The following ERBB4 variants were observed in gnomAD, a reference collection of about 807,000 sequenced individuals.
ERBB4 encodes erb-b2 receptor tyrosine kinase 4, also known as receptor tyrosine-protein kinase erbB-4.
In ERBB4, 42 loss-of-function variants were observed where a neutral mutation model predicts 158.0. That is an observed-to-expected ratio of 0.27 (90% CI 0.21 to 0.34). The LOEUF (loss-of-function observed/expected upper bound fraction) is 0.34, where lower values mean the gene tolerates loss of function less well. Among genes scored for constraint, ERBB4 ranks in the 10% least tolerant of loss-of-function variants. ERBB4 has a pLI of 1.00. For missense variants in ERBB4, 1,333 were observed against 1,624.1 expected (o/e 0.82, Z 3.08); for synonymous variants, 583 against 558.7 (o/e 1.04, Z -0.61).
intron 2 of ERBB4, among the ~76,000 whole-genome samples, chr2:212,004,030 A>C (rs1189083398): frequency 6.6e-6 from 1 of 152,242 alleles, no homozygotes; most frequent in Non-Finnish European, 1.5e-5. Context: ...TATTACTAGT[A>C]GTATAACTAC....
chr2:211,605,774 T>C (rs2068959416), intron 19 of ERBB4, among the ~76,000 whole-genome samples: 1 of 152,106 alleles, frequency 6.6e-6, no homozygotes, highest in South Asian at 2.1e-4. Flanking sequence ...TAACACAGAA[T>C]AGATAACAAG....
intron 19 of ERBB4, among the ~76,000 whole-genome samples, chr2:211,606,069 T>G (rs565958632): frequency 2.9e-4 from 44 of 152,206 alleles, no homozygotes; most frequent in African/African-American, 9.4e-4. Context: ...TAAGTAAATT[T>G]TAGACACAGA....
At chr2:212,190,536 C>CAAA (rs11362884) in intron 1 of ERBB4, among the ~76,000 whole-genome samples, 1 of 129,118 alleles carries the variant, frequency 7.7e-6, no homozygotes, top group Admixed American at 7.8e-5. Context: ...GACTCCGTCT[C>CAAA]AAAAAAAAAA....
intron 1 of ERBB4, among the ~76,000 whole-genome samples, chr2:212,126,683 G>A (rs2079940877): frequency 6.6e-6 from 1 of 152,030 alleles, no homozygotes; most frequent in Non-Finnish European, 1.5e-5. Flanking sequence ...TTTAAGGCAA[G>A]ATACAAAGTG....
Position 211,375,802 on chromosome 2 carries a change from C to G in ERBB4, c.*7813G>C. 1.3e-5 allele frequency: 3 copies of G among 232,290 alleles called. No homozygotes were observed. Among genetic ancestry groups the G allele is most frequent in the Middle Eastern group, 1.3e-3 (1 of 780 alleles). 14.4% of individuals were successfully genotyped at this position (232,290 alleles called of 1,614,324 possible). On this transcript the variant is annotated 3_prime_UTR_variant, in exon 28 of 28. Transcript: ENST00000342788. ...AGATTCATGTAACAAAAAGGCAGAA[C>G]AGTTTTCAAATTGTTCAGCTGGGAT...
intron 3 of ERBB4, among the ~76,000 whole-genome samples, chr2:211,829,483 A>G (rs2077173484): frequency 6.6e-6 from 1 of 152,122 alleles, no homozygotes; most frequent in African/African-American, 2.4e-5. Context: ...TTTCTACGTC[A>G]TCACTCTGTC....
At chr2:212,463,149 A>C (rs1472211798) in intron 1 of ERBB4, among the ~76,000 whole-genome samples, 1 of 152,146 alleles carries the variant, frequency 6.6e-6, no homozygotes, top group African/African-American at 2.4e-5. Flanking sequence ...GGGATGCAAA[A>C]TCACAGCTAA....
At chr2:212,350,037 A>G (rs1028148544) in intron 1 of ERBB4, among the ~76,000 whole-genome samples, 1 of 152,152 alleles carries the variant, frequency 6.6e-6, no homozygotes, top group South Asian at 2.1e-4. Flanking sequence ...AGGAATTTTA[A>G]AATCAATGCT....
At chr2:212,438,310 A>G (rs2092181607) in intron 1 of ERBB4, among the ~76,000 whole-genome samples, 1 of 152,120 alleles carries the variant, frequency 6.6e-6, no homozygotes, top group Admixed American at 6.6e-5. Context: ...AGTTGTCTTC[A>G]CGTTTATAAA....
chr2:212,201,738 AACTGGT>A (rs1303637007), intron 1 of ERBB4, among the ~76,000 whole-genome samples: 6 of 152,062 alleles, frequency 3.9e-5, no homozygotes, highest in Non-Finnish European at 7.4e-5. Flanking sequence ...TACATCTCTT[AACTGGT>A]CCTTCCTCTC....
In ERBB4 at chr2:211,933,249, C is replaced by A. The variant is rs56970655; in HGVS notation, c.421+14181G>T. ...AAGTACGTGAAATGACAGTGTAATG[C>A]ACAGATGTGAAGTTCAGCCACACAT... On this transcript the variant is annotated intron_variant, in intron 3 of 27. Coordinates refer to ENST00000342788, the MANE Select transcript of ERBB4 (RefSeq NM_005235.3). 9.1e-3 allele frequency among the ~76,000 whole-genome samples: 1,383 copies of A among 152,140 alleles called. 18 individuals carry two copies. The highest frequency in any genetic ancestry group is 0.032 in the African/African-American group (1,314 of 41,548).
At position 211,377,536 on chromosome 2, in the gene ERBB4, C is replaced by T. The variant is rs1241254278; in HGVS notation, c.*6079G>A. 1 of 232,452 alleles carries T rather than the reference C, an allele frequency of 4.3e-6. No homozygotes were observed. The highest frequency in any genetic ancestry group is 8.5e-6 in the Non-Finnish European group (1 of 117,570). 14.4% of individuals were successfully genotyped at this position (232,452 alleles called of 1,614,324 possible). A position where few individuals can be genotyped will look rare whatever the true frequency, so the allele number is the denominator to read the frequency against. ...GATTTTCATTAACATGAACTGTCCT[C>T]ATTATGTATTTGTTAGATGGATGAA... On this transcript the variant is annotated 3_prime_UTR_variant, in exon 28 of 28. Transcript: ENST00000342788.
Position 212,413,535 on chromosome 2 carries a change from T to G in ERBB4, c.82+124914A>C, listed in dbSNP as rs556688415. On this transcript the variant is annotated intron_variant, in intron 1 of 27. Transcript: ENST00000342788. The stretch of plus-strand genomic sequence containing the variant: ...TCATAATTAATAGTGATTGGAAGAA[T>G]ACAACTGTAAAACAGTTCTATGGTT... Among the ~76,000 whole-genome samples, 3 of 152,156 alleles carry G rather than the reference T, an allele frequency of 2.0e-5. No individual in the cohort carries two copies. The East Asian group carries it at 5.8e-4, about 29-fold the overall frequency.
chr2:212,083,343 T>C (rs1189395146), intron 2 of ERBB4, among the ~76,000 whole-genome samples: 1 of 151,884 alleles, frequency 6.6e-6, no homozygotes, highest in Non-Finnish European at 1.5e-5. Flanking sequence ...TAAAGAGCTA[T>C]AAACAAGGGG....
intron 20 of ERBB4, among the ~76,000 whole-genome samples, chr2:211,493,298 CTAAT>C (rs1391996935): frequency 6.6e-5 from 10 of 152,088 alleles, no homozygotes; most frequent in African/African-American, 2.4e-4. Flanking sequence ...AGATAGAAAA[CTAAT>C]TGAGGGCAAA....
intron 3 of ERBB4, among the ~76,000 whole-genome samples, chr2:211,821,793 T>C (rs1178639391): frequency 2.6e-5 from 4 of 151,932 alleles, no homozygotes; most frequent in Admixed American, 2.6e-4. Flanking sequence ...CTAGGAAAAC[T>C]GGAAATCTAA....
intron 19 of ERBB4, among the ~76,000 whole-genome samples, chr2:211,598,983 C>T (rs1196563446): frequency 6.6e-6 from 1 of 152,194 alleles, no homozygotes; most frequent in Non-Finnish European, 1.5e-5. Context: ...TGCATCCACC[C>T]TCTCAGAACT....
intron 1 of ERBB4, among the ~76,000 whole-genome samples, chr2:212,429,799 A>G (rs2091987241): frequency 6.6e-6 from 1 of 152,190 alleles, no homozygotes; most frequent in Admixed American, 6.5e-5. Context: ...ATGCTTCCCT[A>G]TATTTGACAT....
chr2:212,474,515 C>T (rs2106130963), intron 1 of ERBB4, among the ~76,000 whole-genome samples: 1 of 152,134 alleles, frequency 6.6e-6, no homozygotes, highest in African/African-American at 2.4e-5. Flanking sequence ...AACAACTTGT[C>T]CCAAGCTTCA....
Sources: gnomAD v4.1 joint callset for allele counts (sites outside exome capture counted in the v4.1 genomes callset) on GRCh38, gnomAD v4.1.1 for gene constraint, MANE v1.5 for transcripts, NCBI Gene and HGNC (gene_info 2026-07-23, HGNC 2026-07-21) for gene names.